Variants in SIAH1 observed in about 807,000 individuals in gnomAD.
The protein encoded by SIAH1 is E3 ubiquitin-protein ligase SIAH1.
SIAH1 carries 2 observed loss-of-function variants against 20.0 expected under a neutral mutation model. The ratio of observed to expected loss-of-function variants is 0.10; its 90% CI spans 0.04 to 0.31. SIAH1 has a LOEUF of 0.31. Ranked by LOEUF, SIAH1 falls within the 10% of genes least tolerant of loss-of-function variation. The pLI, the probability that SIAH1 is intolerant of heterozygous loss-of-function variation, is 1.00. For missense variants in SIAH1, 119 were observed against 355.3 expected, an observed-to-expected ratio of 0.33 and a Z score of 5.35; for synonymous variants, 118 against 125.3, an observed-to-expected ratio of 0.94 and a Z score of 0.39.
In SIAH1 at chr16:48,361,997, T is replaced by C. The variant is rs1960615582; in HGVS notation, c.432A>G (p.Val144=). ...TATGCTGATGCATCAGATGGGGCAT[T>C]ACAGCATCCAGAGAGCCTTGCCATT... ...SCKWQGSLDA[V]MPHLMHQHKS... is the part of the protein sequence containing the mutation. Residue 144 remains valine (V), a synonymous_variant, in exon 2 of 2, where the codon GTA becomes GTG. Coordinates refer to ENST00000394725, the MANE Select transcript of SIAH1 (RefSeq NM_003031.4). 3 of 1,614,080 alleles carry C rather than the reference T, an allele frequency of 1.9e-6. No individual in the cohort carries two copies. The South Asian group carries it at 3.3e-5, about 18-fold the overall frequency.
chr16:48,374,687 G>A (rs962483410), intron 1 of SIAH1, among the ~76,000 whole-genome samples: 1 of 152,078 alleles, frequency 6.6e-6, no homozygotes, highest in Admixed American at 6.6e-5. Flanking sequence ...AGGAATGTGA[G>A]GTAGCATTAG....
At chr16:48,381,605 G>A (rs1267646588) in intron 1 of SIAH1, among the ~76,000 whole-genome samples, 2 of 152,174 alleles carry the variant, frequency 1.3e-5, no homozygotes, top group Non-Finnish European at 2.9e-5. Flanking sequence ...CCATAAAGAC[G>A]TGGAGGAAAC....
chr16:48,378,463 G>A (rs1380756741), intron 1 of SIAH1, among the ~76,000 whole-genome samples: 1 of 152,206 alleles, frequency 6.6e-6, no homozygotes, highest in Non-Finnish European at 1.5e-5. Flanking sequence ...AAGTCAAGAG[G>A]TGGTTTCCTG....
intron 1 of SIAH1, chr16:48,365,927 C>A: frequency 8.2e-7 from 1 of 1,219,004 alleles, no homozygotes; most frequent in African/African-American, 1.6e-5. Context: ...GAGCCTCGGC[C>A]GGGGCTGGGC....
chr16:48,380,689 C>G (rs1393198541), intron 1 of SIAH1, among the ~76,000 whole-genome samples: 1 of 151,554 alleles, frequency 6.6e-6, no homozygotes, highest in Admixed American at 6.6e-5. Context: ...TTTGGGAGGC[C>G]GAGGTGGGCG....
At chr16:48,370,632 C>T (rs565049380) in intron 1 of SIAH1, among the ~76,000 whole-genome samples, 3 of 152,122 alleles carry the variant, frequency 2.0e-5, no homozygotes, top group Admixed American at 1.3e-4. Flanking sequence ...CAGTGAAACC[C>T]CGTCTCTACT....
chr16:48,364,126 T>C (rs1182575634), intron 1 of SIAH1, among the ~76,000 whole-genome samples: 1 of 151,880 alleles, frequency 6.6e-6, no homozygotes, highest in Non-Finnish European at 1.5e-5. Flanking sequence ...ATTTTTGTAT[T>C]TTTAGTAGAG....
At chr16:48,382,275 C>A (rs1961316053) in intron 1 of SIAH1, among the ~76,000 whole-genome samples, 1 of 152,018 alleles carries the variant, frequency 6.6e-6, no homozygotes, top group Admixed American at 6.6e-5. Context: ...TAGTCCCAGC[C>A]ACTTATGAGG....
chr16:48,381,244 C>CTT (rs780497874), intron 1 of SIAH1, among the ~76,000 whole-genome samples: 11 of 152,146 alleles, frequency 7.2e-5, no homozygotes, highest in Non-Finnish European at 1.5e-4. Flanking sequence ...ACTCAGGAGA[C>CTT]TGAGGCACGA....
At position 48,365,559 on chromosome 16, in the gene SIAH1, G is replaced by T. The variant is rs553358404; in HGVS notation, c.-2-3129C>A. On this transcript the variant is annotated intron_variant, in intron 1 of 1. Coordinates refer to ENST00000394725, the MANE Select transcript of SIAH1 (RefSeq NM_003031.4). ...TGGGCTCTTTCTGCTCCTAAGCACA[G>T]AAGACCCAAATTCGCGTCTGAGGTC... The T allele has an allele frequency of 8.5e-6, 13 of 1,538,010 alleles. No individual in the cohort carries two copies. The South Asian group carries it at 1.1e-4, about 13-fold the overall frequency.
intron 1 of SIAH1, among the ~76,000 whole-genome samples, chr16:48,382,707 G>C (rs898047042): frequency 1.3e-5 from 2 of 152,134 alleles, no homozygotes; most frequent in Non-Finnish European, 2.9e-5. Flanking sequence ...AAAATATCTA[G>C]ATTTTAACAT....
intron 1 of SIAH1, among the ~76,000 whole-genome samples, chr16:48,380,121 G>A (rs531751301): frequency 5.9e-5 from 9 of 152,280 alleles, no homozygotes; most frequent in Admixed American, 3.9e-4. Flanking sequence ...TGCAAAAGAC[G>A]TATCTAAAAA....
At chr16:48,364,414 G>A (rs1417965755) in intron 1 of SIAH1, among the ~76,000 whole-genome samples, 2 of 152,150 alleles carry the variant, frequency 1.3e-5, no homozygotes, top group African/African-American at 2.4e-5. Context: ...TGAGGGCTGA[G>A]GGTGACGGAA....
At chr16:48,370,414 A>C (rs763956058) in intron 1 of SIAH1, among the ~76,000 whole-genome samples, 3 of 152,118 alleles carry the variant, frequency 2.0e-5, no homozygotes, top group Non-Finnish European at 2.9e-5. Context: ...GAACTGCCCC[A>C]AACACATATT....
chr16:48,383,321 A>T (rs1276770426), intron 1 of SIAH1, among the ~76,000 whole-genome samples: 1 of 152,206 alleles, frequency 6.6e-6, no homozygotes, highest in Non-Finnish European at 1.5e-5. Flanking sequence ...TCTTTATTTA[A>T]ATTTTCAGAA....
At chr16:48,374,678 G>C (rs192726240) in intron 1 of SIAH1, among the ~76,000 whole-genome samples, 3 of 152,218 alleles carry the variant, frequency 2.0e-5, no homozygotes, top group South Asian at 2.1e-4. Context: ...CAAGCGGCAA[G>C]GAATGTGAGG....
intron 1 of SIAH1, among the ~76,000 whole-genome samples, chr16:48,382,700 A>G (rs1961330210): frequency 6.6e-6 from 1 of 152,226 alleles, no homozygotes; most frequent in Admixed American, 6.5e-5. Context: ...TGTACAAAAA[A>G]TATCTAGATT....
intron 1 of SIAH1, chr16:48,365,658 G>A (rs1428893222): frequency 7.0e-7 from 1 of 1,432,126 alleles, no homozygotes; most frequent in Non-Finnish European, 9.1e-7. Context: ...CCATCCCCAG[G>A]AGGCAACCAC....
intron 1 of SIAH1, among the ~76,000 whole-genome samples, chr16:48,380,899 AGCCTGG>A (rs1961260972): frequency 7.8e-6 from 1 of 128,820 alleles, no homozygotes; most frequent in South Asian, 2.8e-4. Flanking sequence ...ATTGCACTCC[AGCCTGG>A]GCGACAGAGT....
Sources: allele counts gnomAD v4.1 joint callset (sites outside exome capture counted in the v4.1 genomes callset), GRCh38; gene constraint gnomAD v4.1.1; transcripts MANE v1.5; gene names NCBI Gene and HGNC (gene_info 2026-07-23, HGNC 2026-07-21).